COPB1: variants seen among roughly 807,000 people sequenced by gnomAD.
The protein encoded by COPB1 is coatomer subunit beta.
In COPB1, 21 loss-of-function variants were observed where a neutral mutation model predicts 108.7. The ratio of observed to expected loss-of-function variants is 0.19; its 90% CI spans 0.14 to 0.28. The LOEUF (loss-of-function observed/expected upper bound fraction) is 0.28, where lower values mean the gene tolerates loss of function less well. Among genes scored for constraint, COPB1 ranks in the 10% least tolerant of loss-of-function variants. The pLI is 1.00. For missense variants in COPB1, 919 were observed against 1,141.3 expected (o/e 0.81, Z 2.81); for synonymous variants, 378 against 386.8 (o/e 0.98, Z 0.27).
chr11:14,492,152 A>T (rs1166508026), intron 4 of COPB1, among the ~76,000 whole-genome samples: 1 of 152,176 alleles, frequency 6.6e-6, no homozygotes, highest in Non-Finnish European at 1.5e-5. Context: ...CTTTACTTGC[A>T]AAACTAATTA....
intron 20 of COPB1, among the ~76,000 whole-genome samples, chr11:14,459,013 C>A (rs1296508177): frequency 1.3e-5 from 2 of 152,144 alleles, no homozygotes; most frequent in African/African-American, 4.8e-5. Context: ...AGTGATCCAC[C>A]CGCCTCGGCC....
At position 14,494,295 on chromosome 11, in the gene COPB1, A is replaced by G. The variant is rs902388825; in HGVS notation, c.236T>C (p.Leu79Pro). ...TTTAGGAACAATTTCCCAAAATACC[A>G]GAAGTAATTTCTTGATAGTGTGATC... is the stretch of plus-strand genomic sequence containing the variant. ...LQDHTIKKLL[L>P]VFWEIVPKTT... Residue 79 changes from leucine (L) to proline (P), a missense_variant, in exon 3 of 22, where the codon CTG becomes CCG. Leu to Pro is a moderately conservative substitution (Grantham distance 98). Coordinates refer to ENST00000439561, the MANE Select transcript of COPB1 (RefSeq NM_001144061.2). The G allele has an allele frequency of 6.2e-7, 1 of 1,613,920 alleles. No individual in the cohort carries two copies. The highest frequency in any genetic ancestry group is 8.5e-7 in the Non-Finnish European group (1 of 1,179,868).
rs777415338 is a variant in COPB1 at position 14,457,828 on chromosome 11, A to G, written c.2858T>C (p.Ile953Thr). 1.9e-6 allele frequency: 3 copies of G among 1,584,834 alleles called. No homozygotes were observed. Among genetic ancestry groups the G allele is most frequent in the Non-Finnish European group, 2.6e-6 (3 of 1,156,118 alleles). The change falls in exon 22 of 22, where the codon ATA (isoleucine) becomes ACA (threonine). Residue 953 changes from isoleucine (I) to threonine (T), a missense_variant. Ile to Thr is a moderately conservative substitution (Grantham distance 89). Coordinates refer to ENST00000439561, the MANE Select transcript of COPB1 (RefSeq NM_001144061.2). ...KINLSQKKTS[I>T] ...TCAAGGACTTTTTGTTTATTTTTAT[A>G]TACTAGTTTTCTTCTGTGACAAGTT...
chr11:14,463,626 T>C (rs1850211787), intron 18 of COPB1, among the ~76,000 whole-genome samples: 1 of 152,176 alleles, frequency 6.6e-6, no homozygotes, highest in Non-Finnish European at 1.5e-5. Context: ...GGCCTATCTC[T>C]AGTTTAGACC....
intron 2 of COPB1, 33 bp from the exon 3 acceptor site, chr11:14,494,472 ATTATTTC>A: frequency 2.4e-6 from 3 of 1,258,910 alleles, no homozygotes; most frequent in Non-Finnish European, 3.4e-6. Flanking sequence ...AAAAAGCACA[ATTATTTC>A]AAAAGAAAAT....
intron 7 of COPB1, 77 bp from the exon 8 acceptor site, chr11:14,483,228 C>CCACACACACA (rs3217599): frequency 5.7e-4 from 285 of 503,756 alleles, no homozygotes; most frequent in East Asian, 3.5e-3. Context: ...CGCGCGCACA[C>CCACACACACA]CACACACACA....
At position 14,494,206 on chromosome 11, in the gene COPB1, T is replaced by G. The variant is rs768216536; in HGVS notation, c.321+4A>C. 6.3e-7 allele frequency: 1 copy of G among 1,578,256 alleles called. No individual in the cohort carries two copies. Among genetic ancestry groups the G allele is most frequent in the South Asian group, 1.1e-5 (1 of 88,078 alleles). On this transcript the variant is annotated splice_donor_region_variant and intron_variant, in intron 3 of 21. Coordinates refer to ENST00000439561, the MANE Select transcript of COPB1 (RefSeq NM_001144061.2). ...TATTCAGAAATAATTATGATTTGGT[T>G]TACCTTTCTGTATGCATCACATACA...
intron 2 of COPB1, among the ~76,000 whole-genome samples, chr11:14,495,974 A>G (rs1290686608): frequency 2.0e-5 from 3 of 152,228 alleles, no homozygotes; most frequent in African/African-American, 7.2e-5. Context: ...AAATATCATA[A>G]AACTGGGTTT....
At chr11:14,487,335 G>A (rs763247068) in intron 6 of COPB1, among the ~76,000 whole-genome samples, 21 of 152,008 alleles carry the variant, frequency 1.4e-4, no homozygotes, top group Admixed American at 9.8e-4. Flanking sequence ...GCAGGGAACC[G>A]CTAATTTTGA....
At chr11:14,488,109 G>A (rs531491913) in intron 6 of COPB1, among the ~76,000 whole-genome samples, 3 of 152,264 alleles carry the variant, frequency 2.0e-5, no homozygotes, top group Non-Finnish European at 4.4e-5. Context: ...TACAAACAGG[G>A]AACATAAAAA....
chr11:14,490,753 C>T (rs1850880344), intron 4 of COPB1, 74 bp from the exon 5 acceptor site: 2 of 749,110 alleles, frequency 2.7e-6, no homozygotes, highest in East Asian at 2.9e-5. Context: ...CTGGACAATA[C>T]CAAAATTAAA....
At chr11:14,474,404 T>G in intron 14 of COPB1, 91 bp downstream of exon 14, 1 of 1,145,612 alleles carries the variant, frequency 8.7e-7, no homozygotes, top group Non-Finnish European at 1.2e-6. Flanking sequence ...GACAGAAACT[T>G]AGCATTAATT....
intron 8 of COPB1, among the ~76,000 whole-genome samples, chr11:14,481,667 T>C (rs1342790140): frequency 3.9e-5 from 6 of 152,220 alleles, no homozygotes; most frequent in Non-Finnish European, 8.8e-5. Context: ...TTTGACTCCA[T>C]AGGAAAATGT....
intron 19 of COPB1, among the ~76,000 whole-genome samples, chr11:14,460,514 T>C (rs537631386): frequency 6.6e-6 from 1 of 152,138 alleles, no homozygotes; most frequent in African/African-American, 2.4e-5. Context: ...ATGAAGCATA[T>C]AGAATATTTC....
intron 10 of COPB1, 24 bp downstream of exon 10, chr11:14,480,735 A>C: frequency 6.3e-7 from 1 of 1,585,290 alleles, no homozygotes; most frequent in Non-Finnish European, 8.5e-7. Flanking sequence ...TAATTTCAAA[A>C]TTAAAGTCAT....
intron 14 of COPB1, chr11:14,474,097 G>C (rs1850466249): frequency 6.4e-6 from 1 of 156,988 alleles, no homozygotes; most frequent in African/African-American, 2.4e-5. Context: ...AAGCAGGCAT[G>C]AACTACAGAT....
chr11:14,496,087 A>C (rs953801948), intron 2 of COPB1, among the ~76,000 whole-genome samples: 1 of 152,210 alleles, frequency 6.6e-6, no homozygotes, highest in Admixed American at 6.5e-5. Context: ...GGAATAGGCA[A>C]GTAAAATATT....
chr11:14,475,915 C>A lies in COPB1; in HGVS notation c.1486G>T (p.Glu496Ter), dbSNP rs766517467. 2 of 1,610,800 alleles carry A rather than the reference C, an allele frequency of 1.2e-6. No individual in the cohort carries two copies. The highest frequency in any genetic ancestry group is 8.5e-7 in the Non-Finnish European group (1 of 1,178,982). ...TCTTCAGGTTTTAATTCACCAGCTT[C>A]TTTCTTTATTTCTGACTCTACAATT... ...IPIVESEIKK[E>*]AGELKPEEEI... The change falls in exon 13 of 22, where the codon GAA (glutamate) becomes TAA (stop). Residue 496 changes from glutamate to a stop codon, truncating the protein, a stop_gained. Coordinates refer to ENST00000439561, the MANE Select transcript of COPB1 (RefSeq NM_001144061.2). LOFTEE classifies it high-confidence loss of function.
At position 14,481,003 on chromosome 11, in the gene COPB1, C is replaced by T. The variant is rs772894870; in HGVS notation, c.1052G>A (p.Arg351Lys). ...GTTTCCTTTTACCTCTTCAACATTT[C>T]TAGAAGAGACAAGATCCAGTGCTAA... ...LQLALDLVSS[R>K]NVEELVIVLK... is the part of the protein sequence containing the mutation. Residue 351 changes from arginine (R) to lysine (K), a missense_variant, in exon 9 of 22, where the codon AGA becomes AAA. Physicochemically the swap from Arg to Lys is conservative, Grantham distance 26 (BLOSUM62 2). Transcript: ENST00000439561. The T allele has an allele frequency of 8.3e-5, 134 of 1,613,608 alleles. No homozygotes were observed. Among genetic ancestry groups the T allele is most frequent in the Non-Finnish European group, 1.1e-4 (129 of 1,179,742 alleles).
Sources: allele counts gnomAD v4.1 joint callset (sites outside exome capture counted in the v4.1 genomes callset), GRCh38; gene constraint gnomAD v4.1.1; transcripts MANE v1.5; gene names NCBI Gene and HGNC (gene_info 2026-07-23, HGNC 2026-07-21).